The following C10orf90 variants were observed in gnomAD, a reference collection of about 807,000 sequenced individuals.
C10orf90 encodes the protein (E2-independent) E3 ubiquitin-conjugating enzyme FATS.
A neutral mutation model predicts 62.5 loss-of-function variants in C10orf90; 56 were observed. The observed-to-expected ratio is 0.90, with a 90% CI of 0.72 to 1.12. C10orf90 has a LOEUF of 1.12. Among genes scored for constraint, C10orf90 ranks in the 50% most tolerant of loss-of-function variants. The pLI, the probability that C10orf90 is intolerant of heterozygous loss-of-function variation, is 0.00. For synonymous variants in C10orf90, 386 were observed against 340.4 expected, an observed-to-expected ratio of 1.13 and a Z score of -1.47; for missense variants, 970 against 880.4, an observed-to-expected ratio of 1.10 and a Z score of -1.29.
intron 2 of C10orf90, among the ~76,000 whole-genome samples, chr10:126,602,048 G>A (rs1184733235): frequency 6.6e-6 from 1 of 152,202 alleles, no homozygotes; most frequent in Non-Finnish European, 1.5e-5. Flanking sequence ...CTATGTAAAC[G>A]TTCGCTTCAA....
At chr10:126,553,703 G>T (rs1309243313) in intron 2 of C10orf90, among the ~76,000 whole-genome samples, 1 of 152,124 alleles carries the variant, frequency 6.6e-6, no homozygotes, top group East Asian at 1.9e-4. Flanking sequence ...AAGGTATGTT[G>T]TAGGCTATAC....
chr10:126,563,561 G>T (rs1452179927), intron 2 of C10orf90, among the ~76,000 whole-genome samples: 1 of 152,166 alleles, frequency 6.6e-6, no homozygotes, highest in African/African-American at 2.4e-5. Context: ...GGGATTATTT[G>T]TGTGAAAATG....
At chr10:126,475,710 G>A (rs1860822700) in intron 4 of C10orf90, among the ~76,000 whole-genome samples, 2 of 152,118 alleles carry the variant, frequency 1.3e-5, no homozygotes, top group African/African-American at 4.8e-5. Flanking sequence ...CATGGTCATG[G>A]GACTTAAGCC....
chr10:126,508,037 GA>G (rs57510499), intron 3 of C10orf90, among the ~76,000 whole-genome samples: 3,135 of 133,446 alleles, frequency 0.023, 101 homozygotes, highest in African/African-American at 0.074. Flanking sequence ...GCTCTTTGAA[GA>G]AAAAAAAAAA....
intron 2 of C10orf90, among the ~76,000 whole-genome samples, chr10:126,635,723 G>C (rs935915732): frequency 5.9e-5 from 9 of 152,130 alleles, no homozygotes; most frequent in African/African-American, 2.2e-4. Flanking sequence ...CAGGGGAGTG[G>C]GTCCACCTGG....
At chr10:126,484,316 G>A (rs1380449509) in intron 4 of C10orf90, among the ~76,000 whole-genome samples, 1 of 152,072 alleles carries the variant, frequency 6.6e-6, no homozygotes, top group East Asian at 1.9e-4. Context: ...TAAAGCACAA[G>A]TTCAAAAGGA....
chr10:126,642,086 G>A (rs183945443), intron 2 of C10orf90, among the ~76,000 whole-genome samples: 4 of 152,226 alleles, frequency 2.6e-5, no homozygotes, highest in Non-Finnish European at 4.4e-5. Context: ...GCTACCACCC[G>A]CATCACTGAA....
At position 126,461,341 on chromosome 10, in the gene C10orf90, A is replaced by ACTCCCTAGGAAATCT. The variant is rs148068454; in HGVS notation, c.2010+45_2010+59dup. On this transcript the variant is annotated intron_variant, in intron 6 of 9. Transcript: ENST00000488181. Reference sequence around the variant, plus strand: ...TGCAAGTGAGGTTGTGTGCTCACGGACTCCCTAGGAAATCTCTCCCTTTGG... The same window carrying ACTCCCTAGGAAATCT: ...TGCAAGTGAGGTTGTGTGCTCACGGACTCCCTAGGAAATCTCTCCCTAGGAAATCTCTCCCTTTGG... 4,589 of 1,578,410 alleles carry ACTCCCTAGGAAATCT rather than the reference A, an allele frequency of 2.9e-3. 127 individuals are homozygous for ACTCCCTAGGAAATCT. In the African/African-American group the frequency reaches 0.056, roughly 19 times the overall value.
rs140891508 is a variant in C10orf90 at position 126,557,678 on chromosome 10, C to A, written c.314-43739G>T. 2.5e-4 allele frequency among the ~76,000 whole-genome samples: 38 copies of A among 152,248 alleles called. No individual in the cohort carries two copies. In the East Asian group the frequency reaches 7.2e-3, roughly 29 times the overall value. ...CAAATAATACTGTACTGTTCATACC[C>A]TGCTGGAATTCTCTGCTTCTGCTCA... On this transcript the variant is annotated intron_variant, in intron 2 of 9. Transcript: ENST00000488181.
chr10:126,537,396 C>A (rs554450608), intron 2 of C10orf90, among the ~76,000 whole-genome samples: 4 of 152,196 alleles, frequency 2.6e-5, no homozygotes, highest in East Asian at 1.9e-4. Context: ...TATTGCCTAG[C>A]AACCTAGCCC....
intron 1 of C10orf90, among the ~76,000 whole-genome samples, chr10:126,651,712 A>G (rs1846295103): frequency 1.3e-5 from 2 of 152,182 alleles, no homozygotes; most frequent in Admixed American, 1.3e-4. Context: ...CTCCCCCACT[A>G]ACTTTGCCTG....
intron 4 of C10orf90, chr10:126,496,654 C>G (rs1453972334): frequency 1.0e-6 from 1 of 985,276 alleles, no homozygotes; most frequent in African/African-American, 1.7e-5. Flanking sequence ...TTTTCACAAC[C>G]TACCTCTTGG....
intron 2 of C10orf90, among the ~76,000 whole-genome samples, chr10:126,550,549 G>A (rs959544495): frequency 6.6e-6 from 1 of 151,822 alleles, no homozygotes; most frequent in East Asian, 1.9e-4. Flanking sequence ...TCACTCTGTC[G>A]CCCAGGTTAG....
At chr10:126,466,412 T>C (rs1208429837) in intron 4 of C10orf90, among the ~76,000 whole-genome samples, 1 of 152,064 alleles carries the variant, frequency 6.6e-6, no homozygotes, top group African/African-American at 2.4e-5. Flanking sequence ...TCTTGCTGTA[T>C]TTTCTCAAAT....
intron 2 of C10orf90, among the ~76,000 whole-genome samples, chr10:126,600,151 A>AGTGTGTGCGTATCGCATGTGTGTGCACAC (rs1564887652): frequency 0.021 from 3,189 of 152,076 alleles, 130 homozygotes; most frequent in African/African-American, 0.072. Context: ...TGTGTGCACA[A>AGTGTGTGCGTATCGCATGTGTGTGCACAC]GTGTGTGCGT....
intron 2 of C10orf90, among the ~76,000 whole-genome samples, chr10:126,564,194 T>C (rs767164716): frequency 1.4e-4 from 22 of 152,104 alleles, no homozygotes; most frequent in Non-Finnish European, 2.6e-4. Flanking sequence ...GAGAAGCATA[T>C]GCCAAAATGT....
At chr10:126,524,514 G>T in intron 2 of C10orf90, 3 of 535,830 alleles carry the variant, frequency 5.6e-6, no homozygotes, top group Non-Finnish European at 7.2e-6. Flanking sequence ...CCTCACCTAA[G>T]CAGAGAGTCA....
In C10orf90 at chr10:126,622,296, A is replaced by T. The variant is rs1247875830; in HGVS notation, c.313+24269T>A. Among the ~76,000 whole-genome samples, 3 of 152,148 alleles carry T rather than the reference A, an allele frequency of 2.0e-5. No individual in the cohort carries two copies. The East Asian group carries it at 5.8e-4, about 30-fold the overall frequency. On this transcript the variant is annotated intron_variant, in intron 2 of 9. Coordinates refer to ENST00000488181, the MANE Select transcript of C10orf90 (RefSeq NM_001350921.2). ...CTCGGCTGATGAAGAATATTGTAAG[A>T]CTTAGAAAGGAGACTCAGACCCAAC...
intron 2 of C10orf90, among the ~76,000 whole-genome samples, chr10:126,642,230 G>A (rs1338645989): frequency 3.3e-5 from 5 of 152,084 alleles, no homozygotes; most frequent in Non-Finnish European, 5.9e-5. Context: ...CTGGCACTAC[G>A]TACTTCAATT....
Sources: gnomAD v4.1 joint callset for allele counts (sites outside exome capture counted in the v4.1 genomes callset) on GRCh38, gnomAD v4.1.1 for gene constraint, MANE v1.5 for transcripts, NCBI Gene and HGNC (gene_info 2026-07-23, HGNC 2026-07-21) for gene names.